Variants in SELENOI observed in about 807,000 individuals in gnomAD.
SELENOI encodes ethanolaminephosphotransferase 1.
SELENOI carries 24 observed loss-of-function variants against 50.7 expected under a neutral mutation model. That is an observed-to-expected ratio of 0.47 (90% CI 0.34 to 0.67). The LOEUF is 0.67. SELENOI is among the 30% of genes least tolerant of loss of function. The pLI, the probability that SELENOI is intolerant of heterozygous loss-of-function variation, is 0.01. For synonymous variants in SELENOI, 155 were observed against 170.2 expected (o/e 0.91, Z 0.70); for missense variants, 352 against 461.4 (o/e 0.76, Z 2.17).
intron 1 of SELENOI, among the ~76,000 whole-genome samples, chr2:26,356,003 A>C (rs771791910): frequency 3.9e-5 from 6 of 152,042 alleles, no homozygotes; most frequent in Non-Finnish European, 8.8e-5. Flanking sequence ...CAGCCTCCCA[A>C]AGTGCTGGCA....
chr2:26,388,654 G>T (rs1348570110), intron 9 of SELENOI, among the ~76,000 whole-genome samples: 2 of 152,132 alleles, frequency 1.3e-5, no homozygotes, highest in Non-Finnish European at 2.9e-5. Flanking sequence ...TGATTACTTA[G>T]AAATGTTTAG....
rs567479596 is a variant in SELENOI, at chr2:26,391,675, T to A, written c.*2572T>A. 3 of 151,102 alleles carry A rather than the reference T, an allele frequency of 2.0e-5. No individual in the cohort carries two copies. In the East Asian group the frequency reaches 5.9e-4, roughly 30 times the overall value. The allele number at this position is 151,102 out of a possible 1,614,324, so 9.4% of individuals were successfully genotyped here. ...GTATTGTGTTTCTGCTGACCAAAGT[T>A]GCATACACCTGTAAGAAGTGTCTTT... On this transcript the variant is annotated 3_prime_UTR_variant, in exon 10 of 10. Coordinates refer to ENST00000260585, the MANE Select transcript of SELENOI (RefSeq NM_033505.4).
intron 7 of SELENOI, 120 bp from the exon 8 acceptor site, chr2:26,384,839 C>T: frequency 1.5e-6 from 1 of 649,732 alleles, no homozygotes; most frequent in South Asian, 3.2e-5. Flanking sequence ...TCTGTCTATG[C>T]CACAAGATTA....
At position 26,371,176 on chromosome 2, in the gene SELENOI, C is replaced by T. The variant is rs1200237481; in HGVS notation, c.311-2191C>T. The stretch of plus-strand genomic sequence containing the variant: ...GGGCTGACCCCTCCCACCTCCCTCC[C>T]GGACGGGGTGGCTGCCGGGCGGAGA... On this transcript the variant is annotated intron_variant, in intron 4 of 9. Coordinates refer to ENST00000260585, the MANE Select transcript of SELENOI (RefSeq NM_033505.4). 7.3e-4 allele frequency among the ~76,000 whole-genome samples: 110 copies of T among 151,608 alleles called. 2 individuals carry two copies. Among genetic ancestry groups the T allele is most frequent in the African/African-American group, 2.2e-3 (92 of 41,322 alleles).
At chr2:26,388,488 T>C (rs1677895103) in intron 9 of SELENOI, among the ~76,000 whole-genome samples, 1 of 152,190 alleles carries the variant, frequency 6.6e-6, no homozygotes, top group South Asian at 2.1e-4. Context: ...AAACATTCAC[T>C]TGAACTGCTG....
intron 6 of SELENOI, among the ~76,000 whole-genome samples, chr2:26,377,134 AC>A (rs1016194778): frequency 2.6e-5 from 4 of 152,036 alleles, no homozygotes; most frequent in African/African-American, 9.7e-5. Flanking sequence ...CTTTTCTGGG[AC>A]CCCACTTACA....
chr2:26,354,548 G>A (rs1225329707), intron 1 of SELENOI, among the ~76,000 whole-genome samples: 3 of 151,440 alleles, frequency 2.0e-5, no homozygotes, highest in Non-Finnish European at 4.4e-5. Flanking sequence ...CACCACGCCC[G>A]GCTAATTTTT....
chr2:26,353,682 AG>A (rs1677004720), intron 1 of SELENOI, among the ~76,000 whole-genome samples: 1 of 152,208 alleles, frequency 6.6e-6, no homozygotes, highest in Non-Finnish European at 1.5e-5. Flanking sequence ...TGCAGTTGGC[AG>A]AGACAAGAAG....
chr2:26,392,259 A>G lies in SELENOI; in HGVS notation c.*3156A>G, dbSNP rs1677987907. The G allele has an allele frequency of 6.6e-6, 1 of 152,206 alleles. No individual in the cohort carries two copies. Among genetic ancestry groups the G allele is most frequent in the Non-Finnish European group, 1.5e-5 (1 of 68,034 alleles). 9.4% of individuals were successfully genotyped at this position (152,206 alleles called of 1,614,324 possible). A position where few individuals can be genotyped will look rare whatever the true frequency, so the allele number is the denominator to read the frequency against. ...CATAGTTTCCACTTTAAAGGGAAGA[A>G]GGGACTTTAACATCCTATGAATTTG... On this transcript the variant is annotated 3_prime_UTR_variant, in exon 10 of 10. Coordinates refer to ENST00000260585, the MANE Select transcript of SELENOI (RefSeq NM_033505.4).
intron 7 of SELENOI, among the ~76,000 whole-genome samples, chr2:26,384,287 C>T (rs558334233): frequency 6.6e-6 from 1 of 152,202 alleles, no homozygotes. Context: ...TTTATAGAAG[C>T]CATACAGTTT....
At chr2:26,366,776 C>A (rs1428454524) in intron 3 of SELENOI, among the ~76,000 whole-genome samples, 5 of 152,058 alleles carry the variant, frequency 3.3e-5, no homozygotes, top group African/African-American at 1.2e-4. Flanking sequence ...GGTGAAGGCT[C>A]AATACAAGTT....
intron 1 of SELENOI, among the ~76,000 whole-genome samples, chr2:26,351,755 T>A (rs1400244091): frequency 6.6e-6 from 1 of 152,200 alleles, no homozygotes; most frequent in African/African-American, 2.4e-5. Context: ...TCAAGGACTG[T>A]TGGCATCAGA....
chr2:26,381,952 A>C (rs1677715065), intron 6 of SELENOI, among the ~76,000 whole-genome samples: 1 of 152,234 alleles, frequency 6.6e-6, no homozygotes, highest in Admixed American at 6.5e-5. Context: ...AACTGGGGCT[A>C]ATATGTTGCA....
rs957619812 is a variant in SELENOI, at chr2:26,391,493, T to A, written c.*2390T>A. On this transcript the variant is annotated 3_prime_UTR_variant, in exon 10 of 10. Transcript: ENST00000260585. ...AACATTTCCAAAGTATGAAAGGTCT[T>A]TCAGGCTTATGCATGATATTGTGGG... 3 of 152,260 alleles carry A rather than the reference T, an allele frequency of 2.0e-5. No homozygotes were observed. Among genetic ancestry groups the A allele is most frequent in the Non-Finnish European group, 4.4e-5 (3 of 68,048 alleles). 9.4% of individuals were successfully genotyped at this position (152,260 alleles called of 1,614,324 possible).
Position 26,394,767 on chromosome 2 carries a change from A to G in SELENOI, c.*5664A>G, listed in dbSNP as rs548913273. 5.3e-5 allele frequency: 8 copies of G among 152,248 alleles called. No homozygotes were observed. In the South Asian group the frequency reaches 1.7e-3, roughly 32 times the overall value. The allele number at this position is 152,248 out of a possible 1,614,324, so 9.4% of individuals were successfully genotyped here. A position where few individuals can be genotyped will look rare whatever the true frequency, so the allele number is the denominator to read the frequency against. ...CCCTCCATCTAACATAATACAGTAA[A>G]TTTGTAGCCAGTTGTAGAAAAAGAA... On this transcript the variant is annotated 3_prime_UTR_variant, in exon 10 of 10. Transcript: ENST00000260585. The surrounding 1 kb of genome is among the most constrained non-coding windows in gnomAD (Gnocchi z 4.1).
chr2:26,362,859 C>T (rs1017485704), intron 1 of SELENOI, among the ~76,000 whole-genome samples: 1 of 152,136 alleles, frequency 6.6e-6, no homozygotes, highest in African/African-American at 2.4e-5. Context: ...ACTGTGAACC[C>T]TCAAGGAGGG....
At chr2:26,383,416 G>A in intron 7 of SELENOI, 69 bp downstream of exon 7, 1 of 1,130,220 alleles carries the variant, frequency 8.8e-7, no homozygotes, top group Admixed American at 2.4e-5. Context: ...TGAACTTAGG[G>A]ATCTATTTTC....
At chr2:26,362,927 C>T (rs1014066188) in intron 1 of SELENOI, among the ~76,000 whole-genome samples, 2 of 152,106 alleles carry the variant, frequency 1.3e-5, no homozygotes, top group Non-Finnish European at 2.9e-5. Flanking sequence ...TTTTGTATCT[C>T]TTCTTCCCCA....
intron 1 of SELENOI, among the ~76,000 whole-genome samples, chr2:26,349,368 G>A (rs1175585961): frequency 1.0e-4 from 15 of 149,834 alleles, no homozygotes; most frequent in East Asian, 2.0e-4. Flanking sequence ...GTGCAGTGGC[G>A]CGATCTCAGC....
Sources: gnomAD v4.1 joint callset for allele counts (sites outside exome capture counted in the v4.1 genomes callset) on GRCh38, gnomAD v4.1.1 for gene constraint, Gnocchi (gnomAD v3.1) non-coding constraint, MANE v1.5 for transcripts, NCBI Gene and HGNC (gene_info 2026-07-23, HGNC 2026-07-21) for gene names.